RAP1GAP2: variants seen among roughly 807,000 people sequenced by gnomAD.
RAP1GAP2 encodes the protein RAP1 GTPase activating protein 2, also known as rap1 GTPase-activating protein 2.
RAP1GAP2 carries 27 observed loss-of-function variants against 95.0 expected under a neutral mutation model. The observed-to-expected ratio is 0.28, with a 90% CI of 0.21 to 0.39. RAP1GAP2 has a LOEUF of 0.39. Ranked by LOEUF, RAP1GAP2 falls within the 10% of genes least tolerant of loss-of-function variation. The pLI, the probability that RAP1GAP2 is intolerant of heterozygous loss-of-function variation, is 1.00. For synonymous variants in RAP1GAP2, 373 were observed against 380.9 expected (o/e 0.98, Z 0.24); for missense variants, 771 against 970.0 (o/e 0.79, Z 2.72).
At chr17:2,885,515 T>C (rs2034064571) in intron 2 of RAP1GAP2, among the ~76,000 whole-genome samples, 1 of 152,106 alleles carries the variant, frequency 6.6e-6, no homozygotes, top group African/African-American at 2.4e-5. Flanking sequence ...AGGTGAGCAA[T>C]GGTGAGGCCC....
chr17:2,770,067 G>A (rs1218713292), intron 1 of RAP1GAP2, among the ~76,000 whole-genome samples: 2 of 125,940 alleles, frequency 1.6e-5, no homozygotes, highest in Admixed American at 8.7e-5. Flanking sequence ...AGAGAGACTC[G>A]GTCTCAAAAC....
At chr17:2,997,158 A>G (rs1472698422) in intron 13 of RAP1GAP2, among the ~76,000 whole-genome samples, 7 of 150,462 alleles carry the variant, frequency 4.7e-5, no homozygotes, top group African/African-American at 1.7e-4. Context: ...TCACACCCAG[A>G]AGCACCTGGC....
chr17:2,995,993 ATTACATACAT>A (rs1424001085), intron 13 of RAP1GAP2, among the ~76,000 whole-genome samples: 3 of 152,008 alleles, frequency 2.0e-5, no homozygotes, highest in East Asian at 4.0e-4. Context: ...GATTGTGGGG[ATTACATACAT>A]TTCTGACTAG....
chr17:2,863,085 C>T lies in RAP1GAP2; in HGVS notation c.81-42199C>T, dbSNP rs374610862. ...GTGTCTGGGTGGTGCCCGGGGTACC[C>T]TTTATACCCATGGCAGAAGGAAGAA... is the stretch of plus-strand genomic sequence containing the variant. On this transcript the variant is annotated intron_variant, in intron 2 of 24. Transcript: ENST00000254695. 3.4e-4 allele frequency among the ~76,000 whole-genome samples: 51 copies of T among 151,474 alleles called. 2 individuals are homozygous for T. In the South Asian group the frequency reaches 8.4e-3, roughly 25 times the overall value.
At chr17:2,886,525 G>A (rs951535317) in intron 2 of RAP1GAP2, among the ~76,000 whole-genome samples, 2 of 152,176 alleles carry the variant, frequency 1.3e-5, no homozygotes, top group Admixed American at 6.5e-5. Context: ...CAGAATGATA[G>A]TCAGTGGTGC....
Position 3,037,094 on chromosome 17 carries a change from C to G in RAP1GAP2, c.*3733C>G, listed in dbSNP as rs1388297092. 6.6e-6 allele frequency: 1 copy of G among 152,488 alleles called. No individual in the cohort carries two copies. The highest frequency in any genetic ancestry group is 1.5e-5 in the Non-Finnish European group (1 of 68,056). 9.4% of individuals were successfully genotyped at this position (152,488 alleles called of 1,614,324 possible). On this transcript the variant is annotated 3_prime_UTR_variant, in exon 25 of 25. Coordinates refer to ENST00000254695, the MANE Select transcript of RAP1GAP2 (RefSeq NM_015085.5). ...GCCTGGTGGGGCTGGCTGGGGTATT[C>G]TTTTACCAAACTCTGTTTTACCGCC... is the stretch of plus-strand genomic sequence containing the variant.
At chr17:2,772,855 CTTTTTTT>C (rs773565092), upstream of RAP1GAP2, among the ~76,000 whole-genome samples, 5 of 126,038 alleles carry the variant, frequency 4.0e-5, no homozygotes, top group African/African-American at 1.1e-4. Flanking sequence ...TTCTTTCTTT[CTTTTTTT>C]TTTTTTTTTT....
At chr17:2,918,302 G>A (rs538967346) in intron 3 of RAP1GAP2, among the ~76,000 whole-genome samples, 9 of 151,846 alleles carry the variant, frequency 5.9e-5, no homozygotes, top group Admixed American at 2.0e-4. Flanking sequence ...GCATGGTGGC[G>A]AGCGCCTATA....
chr17:2,769,232 TAAAAAAAAAAAAAAAAAAA>T (rs58436827), intron 1 of RAP1GAP2, among the ~76,000 whole-genome samples: 23 of 42,912 alleles, frequency 5.4e-4, no homozygotes, highest in Admixed American at 1.2e-3. Flanking sequence ...ACCATTTCTC[TAAAAAAAAAAAAAAAAAAA>T]AAAAAAAAAA....
chr17:2,918,421 A>G (rs2042638606), intron 3 of RAP1GAP2, among the ~76,000 whole-genome samples: 1 of 141,114 alleles, frequency 7.1e-6, no homozygotes, highest in Admixed American at 7.5e-5. Context: ...CAATAGAATG[A>G]GACTCCATCT....
chr17:2,893,330 C>T (rs1009243921), intron 2 of RAP1GAP2, among the ~76,000 whole-genome samples: 5 of 152,132 alleles, frequency 3.3e-5, no homozygotes, highest in African/African-American at 7.2e-5. Context: ...CGTGAGCCAC[C>T]GCACCCAGCC....
chr17:3,012,470 C>G (rs909047260), intron 17 of RAP1GAP2, among the ~76,000 whole-genome samples: 3 of 151,688 alleles, frequency 2.0e-5, no homozygotes, highest in Non-Finnish European at 4.4e-5. Flanking sequence ...ATACAAAAAT[C>G]AGATGGGCGT....
At chr17:2,793,485 C>A (rs1157501952), upstream of RAP1GAP2, among the ~76,000 whole-genome samples, 1 of 152,220 alleles carries the variant, frequency 6.6e-6, no homozygotes, top group Non-Finnish European at 1.5e-5. Flanking sequence ...GTATGCAACA[C>A]CTCCAACCCC....
At chr17:2,808,433 C>T (rs941625710) in intron 2 of RAP1GAP2, among the ~76,000 whole-genome samples, 4 of 152,186 alleles carry the variant, frequency 2.6e-5, no homozygotes, top group Non-Finnish European at 5.9e-5. Context: ...CTTCCCTCCA[C>T]TTTCCACTCT....
At chr17:2,844,920 A>G (rs779935467) in intron 2 of RAP1GAP2, among the ~76,000 whole-genome samples, 91 of 152,118 alleles carry the variant, frequency 6.0e-4, no homozygotes, top group Non-Finnish European at 1.2e-3. Flanking sequence ...TCCCCAACCT[A>G]TAAGTTTTCT....
chr17:2,824,578 A>G (rs2070457188), intron 2 of RAP1GAP2, among the ~76,000 whole-genome samples: 2 of 150,714 alleles, frequency 1.3e-5, no homozygotes, highest in South Asian at 4.2e-4. Flanking sequence ...TGTCTCTACT[A>G]AAAATACAAA....
chr17:2,829,474 C>T (rs2070738526), intron 2 of RAP1GAP2, among the ~76,000 whole-genome samples: 1 of 152,106 alleles, frequency 6.6e-6, no homozygotes, highest in Non-Finnish European at 1.5e-5. Context: ...AGCCCATGGA[C>T]CCACCTCCCA....
rs980935154 is a variant in RAP1GAP2, at chr17:3,033,344, T to G, written c.*31-48T>G. On this transcript the variant is annotated intron_variant, in intron 24 of 24. Coordinates refer to ENST00000254695, the MANE Select transcript of RAP1GAP2 (RefSeq NM_015085.5). This position sits in a 1 kb window ranked among gnomAD's most constrained non-coding sequence, Gnocchi z 4.9. ...CCCGACGTCCGCGTCGTCCCCTCCT[T>G]CCTGTACGGAATGTTCGCTCATCGC... is the stretch of plus-strand genomic sequence containing the variant. 2 of 152,928 alleles carry G rather than the reference T, an allele frequency of 1.3e-5. No homozygotes were observed. The highest frequency in any genetic ancestry group is 1.3e-4 in the Admixed American group (2 of 15,282). The allele number at this position is 152,928 out of a possible 1,614,324, so 9.5% of individuals were successfully genotyped here.
intron 11 of RAP1GAP2, among the ~76,000 whole-genome samples, chr17:2,986,702 A>C (rs1342939199): frequency 1.3e-5 from 2 of 152,134 alleles, no homozygotes; most frequent in East Asian, 1.9e-4. Context: ...TGTGCTGTGC[A>C]TGCTGGGGGA....
Sources: allele counts gnomAD v4.1 joint callset (sites outside exome capture counted in the v4.1 genomes callset), GRCh38; gene constraint gnomAD v4.1.1; non-coding constraint Gnocchi (gnomAD v3.1); transcripts MANE v1.5; gene names NCBI Gene and HGNC (gene_info 2026-07-23, HGNC 2026-07-21).